Variants in SF3B3 observed in about 807,000 individuals in gnomAD.
SF3B3 encodes the protein splicing factor 3b subunit 3.
A neutral mutation model predicts 139.2 loss-of-function variants in SF3B3; 33 were observed. That is an observed-to-expected ratio of 0.24 (90% CI 0.18 to 0.32). SF3B3 has a LOEUF of 0.32. Ranked by LOEUF, SF3B3 falls within the 10% of genes least tolerant of loss-of-function variation. The pLI is 1.00. For synonymous variants in SF3B3, 596 were observed against 563.6 expected (o/e 1.06, Z -0.81); for missense variants, 818 against 1,509.4 (o/e 0.54, Z 7.59).
At chr16:70,568,936 C>T in intron 22 of SF3B3, 107 bp from the exon 23 acceptor site, 1 of 709,670 alleles carries the variant, frequency 1.4e-6, no homozygotes. Flanking sequence ...TCTGTCTAGG[C>T]AGTGCCCCTG....
chr16:70,531,814 A>G (rs1024261790), intron 4 of SF3B3, among the ~76,000 whole-genome samples: 3 of 152,278 alleles, frequency 2.0e-5, no homozygotes, highest in Non-Finnish European at 4.4e-5. Flanking sequence ...GGAAGGCAGT[A>G]TCCTCTAGTA....
At chr16:70,552,145 A>T (rs545948380) in intron 11 of SF3B3, among the ~76,000 whole-genome samples, 27 of 152,268 alleles carry the variant, frequency 1.8e-4, no homozygotes, top group South Asian at 1.5e-3. Flanking sequence ...CTCCCATGAA[A>T]GTCAAAAGTT....
chr16:70,561,600 A>C, intron 16 of SF3B3, 30 bp from the exon 17 acceptor site: 1 of 1,603,076 alleles, frequency 6.2e-7, no homozygotes, highest in Non-Finnish European at 8.5e-7. Context: ...CCCAAACCTT[A>C]TTGGAGCTGG....
At chr16:70,526,214 A>T (rs535294672) in intron 1 of SF3B3, among the ~76,000 whole-genome samples, 5 of 149,808 alleles carry the variant, frequency 3.3e-5, no homozygotes, top group East Asian at 3.9e-4. Flanking sequence ...TTATTTATTT[A>T]TTTTTTTTTT....
chr16:70,556,074 A>G lies in SF3B3; in HGVS notation c.1711-105A>G, dbSNP rs184720290. The G allele has an allele frequency of 5.0e-5, 57 of 1,148,862 alleles. No individual in the cohort carries two copies. The East Asian group carries it at 1.3e-3, about 25-fold the overall frequency. 71.2% of individuals were successfully genotyped at this position (1,148,862 alleles called of 1,614,324 possible). A position where few individuals can be genotyped will look rare whatever the true frequency, so the allele number is the denominator to read the frequency against. ...GGAGTGAGAGGAAGCAGAACAAAAT[A>G]CAACAGCCCTCCTTCATTCTCTGGA... On this transcript the variant is annotated intron_variant, in intron 13 of 25. Transcript: ENST00000302516.
intron 6 of SF3B3, among the ~76,000 whole-genome samples, chr16:70,536,863 T>C (rs2151779512): frequency 6.8e-6 from 1 of 148,046 alleles, no homozygotes; most frequent in East Asian, 2.0e-4. Flanking sequence ...CAGGCTGGAG[T>C]GCAGTGGCGC....
intron 11 of SF3B3, among the ~76,000 whole-genome samples, chr16:70,553,590 A>C (rs1360487425): frequency 6.6e-6 from 1 of 152,144 alleles, no homozygotes; most frequent in African/African-American, 2.4e-5. Context: ...AACATTTATC[A>C]AGCTTTACGC....
At chr16:70,570,337 T>TG (rs1437355052) in intron 24 of SF3B3, among the ~76,000 whole-genome samples, 188 bp downstream of exon 24, 8 of 147,930 alleles carry the variant, frequency 5.4e-5, no homozygotes, top group African/African-American at 2.0e-4. Context: ...CATTTGGTTT[T>TG]TTTTTTTTTT....
intron 6 of SF3B3, among the ~76,000 whole-genome samples, chr16:70,536,072 A>G (rs2050162911): frequency 6.6e-6 from 1 of 152,054 alleles, no homozygotes; most frequent in African/African-American, 2.4e-5. Flanking sequence ...TACCTTATGT[A>G]TAGTTTATAT....
chr16:70,548,622 T>C (rs2050291263), intron 11 of SF3B3, 180 bp downstream of exon 11: 1 of 571,830 alleles, frequency 1.7e-6, no homozygotes, highest in Non-Finnish European at 3.1e-6. Context: ...CTACCATTTC[T>C]TTTTGTGCAG....
chr16:70,540,460 T>C (rs886796902), intron 8 of SF3B3, among the ~76,000 whole-genome samples: 2 of 152,046 alleles, frequency 1.3e-5, no homozygotes, highest in Non-Finnish European at 2.9e-5. Context: ...GGGTGCAATC[T>C]CGGCTCACTG....
Position 70,557,006 on chromosome 16 carries a change from C to T in SF3B3, c.1987C>T (p.Leu663=). ...ELGERGSIGF[L]YLNIGLQNGV... is the part of the protein sequence containing the mutation. ...GGGTGAGAGGGGCTCGATTGGCTTC[C>T]TATACCTGAATATTGGGCTACAGGT... The change falls in exon 15 of 26, where the codon CTA becomes TTA. Residue 663 remains leucine (L), a synonymous_variant. Transcript: ENST00000302516. 6.2e-7 allele frequency: 1 copy of T among 1,612,534 alleles called. No homozygotes were observed. The highest frequency in any genetic ancestry group is 8.5e-7 in the Non-Finnish European group (1 of 1,179,456).
At position 70,576,606 on chromosome 16, in the gene SF3B3, C is replaced by G. The variant is rs1358221904; in HGVS notation, c.*4793C>G. The G allele has an allele frequency of 6.6e-6, 1 of 152,152 alleles. No homozygotes were observed. The highest frequency in any genetic ancestry group is 1.5e-5 in the Non-Finnish European group (1 of 68,046). 9.4% of individuals were successfully genotyped at this position (152,152 alleles called of 1,614,324 possible). A position where few individuals can be genotyped will look rare whatever the true frequency, so the allele number is the denominator to read the frequency against. On this transcript the variant is annotated 3_prime_UTR_variant, in exon 26 of 26. Transcript: ENST00000302516. ...TACCATTTCCTGTGGGTTATTAGGGCCTCCAGCTGTTATGAGGACACACTG... is the reference window on the plus strand; with the variant it reads ...TACCATTTCCTGTGGGTTATTAGGGGCTCCAGCTGTTATGAGGACACACTG...
intron 20 of SF3B3, among the ~76,000 whole-genome samples, chr16:70,566,511 G>A (rs1399163353): frequency 3.3e-5 from 5 of 152,084 alleles, no homozygotes; most frequent in African/African-American, 1.2e-4. Flanking sequence ...GCAGTGAGCC[G>A]AGATTGCGCC....
chr16:70,554,591 G>C lies in SF3B3; in HGVS notation c.1548G>C (p.Leu516Phe), dbSNP rs749110251. 10 of 1,614,110 alleles carry C rather than the reference G, an allele frequency of 6.2e-6. No individual in the cohort carries two copies. Among genetic ancestry groups the C allele is most frequent in the Non-Finnish European group, 8.5e-6 (10 of 1,180,008 alleles). The change falls in exon 12 of 26, where the codon TTG becomes TTC. Residue 516 changes from leucine to phenylalanine, a missense_variant. Transcript: ENST00000302516. The part of the protein sequence containing the change: ...LSCSLLGDDA[L>F]VQVYPDGIRH... The stretch of plus-strand genomic sequence containing the variant: ...GCTCCTTATTAGGAGATGATGCCTT[G>C]GTGCAGGTGAGGGTTCTCAGAGCTT...
At chr16:70,535,478 T>C (rs571926315) in intron 6 of SF3B3, 58 bp downstream of exon 6, 3 of 951,742 alleles carry the variant, frequency 3.2e-6, no homozygotes, top group East Asian at 5.1e-5. Flanking sequence ...GATTACAGTG[T>C]AGTCTCTTAG....
At chr16:70,567,260 A>G in intron 20 of SF3B3, 151 bp from the exon 21 acceptor site, 5 of 789,138 alleles carry the variant, frequency 6.3e-6, no homozygotes, top group Non-Finnish European at 1.0e-5. Flanking sequence ...GAACTTGTTC[A>G]CCCCAACACC....
chr16:70,525,159 A>G (rs1447994419), intron 1 of SF3B3: 2 of 149,022 alleles, frequency 1.3e-5, no homozygotes, highest in Admixed American at 1.3e-4. Context: ...CTTCCCGAGT[A>G]GCTGAGATTA....
chr16:70,565,961 AC>A (rs1261932044), intron 20 of SF3B3, among the ~76,000 whole-genome samples: 1 of 152,066 alleles, frequency 6.6e-6, no homozygotes, highest in African/African-American at 2.4e-5. Context: ...TACTAAAAAT[AC>A]AAAAATCAGC....
Sources: allele counts gnomAD v4.1 joint callset (sites outside exome capture counted in the v4.1 genomes callset), GRCh38; gene constraint gnomAD v4.1.1; transcripts MANE v1.5; gene names NCBI Gene and HGNC (gene_info 2026-07-23, HGNC 2026-07-21).